Variants in DNAH3 observed in about 807,000 individuals in gnomAD.
DNAH3 encodes axonemal beta dynein heavy chain 3.
A neutral mutation model predicts 432.5 loss-of-function variants in DNAH3; 332 were observed. The ratio of observed to expected loss-of-function variants is 0.77; its 90% CI spans 0.70 to 0.84. DNAH3 has a LOEUF of 0.84. Ranked by LOEUF, DNAH3 falls within the 40% of genes least tolerant of loss-of-function variation. The probability of loss-of-function intolerance (pLI) is 0.00; values close to 1 mark genes in which losing one functional copy is unlikely to be tolerated. For synonymous variants in DNAH3, 1,956 were observed against 1,900.2 expected (o/e 1.03, Z -0.76); for missense variants, 4,861 against 5,114.0 (o/e 0.95, Z 1.51).
chr16:21,118,642 A>G (rs372299939), intron 11 of DNAH3, among the ~76,000 whole-genome samples: 2 of 152,060 alleles, frequency 1.3e-5, no homozygotes, highest in African/African-American at 2.4e-5. Context: ...GGCTCTCTCT[A>G]TGTTGCCCAG....
chr16:21,035,374 C>T (rs2089118507), intron 35 of DNAH3, among the ~76,000 whole-genome samples: 1 of 152,120 alleles, frequency 6.6e-6, no homozygotes, highest in Admixed American at 6.6e-5. Flanking sequence ...AATAGCCTCT[C>T]ACATTCTTCC....
chr16:21,047,981 G>A (rs1409048386), intron 31 of DNAH3, among the ~76,000 whole-genome samples: 6 of 152,116 alleles, frequency 3.9e-5, no homozygotes, highest in Admixed American at 3.9e-4. Flanking sequence ...TCCCAGTTAG[G>A]CTGCTCGGGG....
exon 60 of DNAH3, chr16:20,936,652 G>A: frequency 6.3e-7 from 1 of 1,593,352 alleles, no homozygotes; most frequent in African/African-American, 1.3e-5. Flanking sequence ...CAGGTACCTG[G>A]AAGAAGGTCA....
At chr16:20,952,449 A>T in exon 56 of DNAH3, 2 of 1,609,920 alleles carry the variant, frequency 1.2e-6, no homozygotes, top group Non-Finnish European at 1.7e-6. Context: ...GGTAGGTCAG[A>T]GCATCAAAGG....
chr16:21,016,769 CAGAT>C (rs1399018164), intron 41 of DNAH3, among the ~76,000 whole-genome samples: 1 of 152,172 alleles, frequency 6.6e-6, no homozygotes, highest in African/African-American at 2.4e-5. Flanking sequence ...GATCCACTGA[CAGAT>C]GAATGGATAA....
chr16:20,971,193 CTTT>C (rs551647826), intron 51 of DNAH3, among the ~76,000 whole-genome samples: 2 of 147,332 alleles, frequency 1.4e-5, no homozygotes, highest in Non-Finnish European at 3.0e-5. Flanking sequence ...TAACAAATCA[CTTT>C]TTTTTTTTCT....
chr16:21,108,516 G>C (rs2091997562), intron 14 of DNAH3, among the ~76,000 whole-genome samples: 2 of 152,046 alleles, frequency 1.3e-5, no homozygotes, highest in Admixed American at 1.3e-4. Context: ...AGCTGAAGTG[G>C]GAGTATTGCT....
exon 42 of DNAH3, chr16:21,003,155 C>A: frequency 6.2e-7 from 1 of 1,612,952 alleles, no homozygotes; most frequent in South Asian, 1.1e-5. Flanking sequence ...ACTGTGTCCA[C>A]GTTTCCCAAT....
chr16:20,971,633 T>G (rs1286932509), intron 51 of DNAH3, among the ~76,000 whole-genome samples: 1 of 152,210 alleles, frequency 6.6e-6, no homozygotes, highest in African/African-American at 2.4e-5. Context: ...TGGCAGTTAT[T>G]GCCTGGGAGT....
At chr16:20,991,625 C>G (rs2086564022) in intron 44 of DNAH3, among the ~76,000 whole-genome samples, 1 of 152,136 alleles carries the variant, frequency 6.6e-6, no homozygotes, top group African/African-American at 2.4e-5. Flanking sequence ...TCCTTTCTTA[C>G]GTGTCTTATC....
At chr16:20,997,244 G>T (rs1333662839) in intron 44 of DNAH3, 39 bp downstream of exon 44, 2 of 1,599,888 alleles carry the variant, frequency 1.3e-6, no homozygotes, top group Non-Finnish European at 1.7e-6. Context: ...CTCTGCTGGG[G>T]ATGGAGGGAA....
At chr16:21,025,796 T>A (rs1267736603) in intron 38 of DNAH3, among the ~76,000 whole-genome samples, 3 of 151,550 alleles carry the variant, frequency 2.0e-5, no homozygotes, top group Non-Finnish European at 4.4e-5. Flanking sequence ...TGCAGTAGTG[T>A]GATCTCGGCT....
chr16:21,042,898 A>G (rs2089511722), intron 31 of DNAH3, among the ~76,000 whole-genome samples: 1 of 151,860 alleles, frequency 6.6e-6, no homozygotes, highest in South Asian at 2.1e-4. Context: ...TTCAGTTCCC[A>G]CCTATGAGTG....
At chr16:21,063,847 C>T (rs995164030) in intron 24 of DNAH3, among the ~76,000 whole-genome samples, 1 of 152,150 alleles carries the variant, frequency 6.6e-6, no homozygotes, top group Non-Finnish European at 1.5e-5. Context: ...CAGCCCTTTA[C>T]TATCTTTTAA....
At chr16:21,122,588 A>G (rs2092367221) in intron 9 of DNAH3, among the ~76,000 whole-genome samples, 1 of 152,148 alleles carries the variant, frequency 6.6e-6, no homozygotes, top group Non-Finnish European at 1.5e-5. Context: ...TGTATTGGGT[A>G]TAGCTTAGCC....
chr16:20,945,014 G>A lies in DNAH3; in HGVS notation c.11344-351C>T, dbSNP rs926597132. On this transcript the variant is annotated intron_variant, in intron 57 of 61. Transcript: ENST00000261383. ...AACCAGAGCAACTCCATCTTGTATA[G>A]GGACTGGGTAAAATAAGGCTGACAC... 2.6e-5 allele frequency among the ~76,000 whole-genome samples: 4 copies of A among 152,172 alleles called. No homozygotes were observed. The South Asian group carries it at 8.3e-4, about 32-fold the overall frequency.
At chr16:20,964,747 C>T in exon 53 of DNAH3, 2 of 1,614,116 alleles carry the variant, frequency 1.2e-6, no homozygotes, top group Non-Finnish European at 8.5e-7. Context: ...TATGGGATCC[C>T]CTAACGTGTG....
chr16:20,944,692 A>T, intron 57 of DNAH3, 29 bp from the exon 58 acceptor site: 1 of 1,612,196 alleles, frequency 6.2e-7, no homozygotes. Context: ...GTTGAAATCA[A>T]CGAGGGACCC....
At position 21,132,803 on chromosome 16, in the gene DNAH3, TAGAC is replaced by T. The variant is rs544121452; in HGVS notation, c.1082+1452_1082+1455del. ...TGGGGTAATGATAATACTCTTGAAT[TAGAC>T]AGTGGTAAGGATTAAACAAACTTGT... On this transcript the variant is annotated intron_variant, in intron 7 of 61. Coordinates refer to ENST00000261383, the Ensembl canonical transcript of DNAH3. Among the ~76,000 whole-genome samples, 12 of 152,300 alleles carry T rather than the reference TAGAC, an allele frequency of 7.9e-5. No individual in the cohort carries two copies. The South Asian group carries it at 8.3e-4, about 11-fold the overall frequency.
Sources: allele counts gnomAD v4.1 joint callset (sites outside exome capture counted in the v4.1 genomes callset), GRCh38; gene constraint gnomAD v4.1.1; transcripts MANE v1.5; gene names NCBI Gene and HGNC (gene_info 2026-07-23, HGNC 2026-07-21).